AK8: variants seen among roughly 807,000 people sequenced by gnomAD.
AK8 encodes ATP-AMP transphosphorylase 8.
A neutral mutation model predicts 54.6 loss-of-function variants in AK8; 44 were observed. That is an observed-to-expected ratio of 0.81 (90% confidence interval 0.63 to 1.04). The LOEUF is 1.04. Ranked by LOEUF, AK8 falls within the 50% of genes least tolerant of loss-of-function variation. The pLI is 0.00. For synonymous variants in AK8, 239 were observed against 245.6 expected (o/e 0.97, Z 0.25); for missense variants, 555 against 613.6 (o/e 0.90, Z 1.01).
chr9:132,820,088 TG>T (rs1198699243), intron 9 of AK8, among the ~76,000 whole-genome samples: 1 of 136,678 alleles, frequency 7.3e-6, no homozygotes, highest in African/African-American at 2.8e-5. Context: ...AGTTGGAGGC[TG>T]CAGTGAGCCA....
upstream of AK8, chr9:132,878,680 G>A (rs1031810946): frequency 3.9e-5 from 39 of 994,538 alleles, no homozygotes; most frequent in Admixed American, 6.1e-5. This position sits in a 1 kb window ranked among gnomAD's most constrained non-coding sequence, Gnocchi z 4.7. Flanking sequence ...AATAAATGTG[G>A]GGGAGGGTGT....
At chr9:132,877,192 C>T (rs1423371709) in intron 1 of AK8, among the ~76,000 whole-genome samples, 2 of 152,132 alleles carry the variant, frequency 1.3e-5, no homozygotes, top group African/African-American at 4.8e-5. Flanking sequence ...TGACTTCTAA[C>T]CCAGCTAGCT....
chr9:132,779,254 C>A (rs1324046720), intron 11 of AK8, among the ~76,000 whole-genome samples: 2 of 152,178 alleles, frequency 1.3e-5, no homozygotes, highest in East Asian at 1.9e-4. Flanking sequence ...AATGTGTTTA[C>A]ACTTCTTAAC....
intron 11 of AK8, among the ~76,000 whole-genome samples, chr9:132,751,040 T>C (rs1837897705): frequency 6.6e-6 from 1 of 151,976 alleles, no homozygotes; most frequent in South Asian, 2.1e-4. Flanking sequence ...AATTTCTAGA[T>C]AAAGCTTTTC....
At chr9:132,848,109 C>G (rs1167998141) in intron 5 of AK8, among the ~76,000 whole-genome samples, 2 of 52,312 alleles carry the variant, frequency 3.8e-5, no homozygotes, top group Non-Finnish European at 9.5e-5. Flanking sequence ...GAGCAACACC[C>G]TGTTTCAAAA....
intron 5 of AK8, among the ~76,000 whole-genome samples, chr9:132,848,770 T>C (rs1371027428): frequency 6.6e-6 from 1 of 152,134 alleles, no homozygotes; most frequent in Non-Finnish European, 1.5e-5. Flanking sequence ...GTGAAAACCA[T>C]GCAGGGCCTG....
chr9:132,742,170 T>G (rs1008936727), intron 11 of AK8, among the ~76,000 whole-genome samples: 2 of 98,468 alleles, frequency 2.0e-5, no homozygotes, highest in Admixed American at 1.9e-4. Context: ...GGACTTGGAC[T>G]TTTTTTTTTT....
At chr9:132,775,087 C>T (rs188988563) in intron 11 of AK8, among the ~76,000 whole-genome samples, 25 of 152,146 alleles carry the variant, frequency 1.6e-4, no homozygotes, top group Admixed American at 1.5e-3. Context: ...CTCCAAAGGA[C>T]ATGTTTACCC....
chr9:132,735,708 G>A (rs1384760302), intron 11 of AK8, among the ~76,000 whole-genome samples: 1 of 152,156 alleles, frequency 6.6e-6, no homozygotes, highest in Admixed American at 6.5e-5. Flanking sequence ...GTACCACTTC[G>A]GAGGATATAA....
At chr9:132,829,129 TG>T (rs2131310230) in intron 5 of AK8, among the ~76,000 whole-genome samples, 1 of 152,210 alleles carries the variant, frequency 6.6e-6, no homozygotes, top group Non-Finnish European at 1.5e-5. Flanking sequence ...GCTAATTTTT[TG>T]TATTTTTAGT....
intron 2 of AK8, among the ~76,000 whole-genome samples, chr9:132,868,141 T>A (rs569469442): frequency 4.1e-4 from 63 of 152,308 alleles, no homozygotes; most frequent in African/African-American, 1.5e-3. Flanking sequence ...AACGTCTGCA[T>A]GAGAGCCTAT....
At chr9:132,814,853 G>A in intron 9 of AK8, 126 bp from the exon 10 acceptor site, 1 of 702,308 alleles carries the variant, frequency 1.4e-6, no homozygotes, top group Non-Finnish European at 2.3e-6. Flanking sequence ...GCATAAAAGG[G>A]TTTTTCTGTG....
chr9:132,863,361 T>C (rs1241217779), intron 4 of AK8, among the ~76,000 whole-genome samples: 1 of 152,206 alleles, frequency 6.6e-6, no homozygotes. Flanking sequence ...CGGCTGAGCC[T>C]AAGAAGAAAA....
At chr9:132,804,893 C>T (rs1243695230) in intron 10 of AK8, among the ~76,000 whole-genome samples, 3 of 152,228 alleles carry the variant, frequency 2.0e-5, no homozygotes, top group African/African-American at 4.8e-5. Flanking sequence ...TCATGTCCTG[C>T]CCCTGCCTCT....
rs558840457 is a variant in AK8 at position 132,842,661 on chromosome 9, T to C, written c.402+12196A>G. Reference sequence around the variant, plus strand: ...TGTAGACAATACAGTTATTATCACATGGTTTTCAAGGAGTCTGAGCACAGC... The same window carrying C: ...TGTAGACAATACAGTTATTATCACACGGTTTTCAAGGAGTCTGAGCACAGC... On this transcript the variant is annotated intron_variant, in intron 5 of 12. Coordinates refer to ENST00000298545, the MANE Select transcript of AK8 (RefSeq NM_152572.3). Among the ~76,000 whole-genome samples, 38 of 152,368 alleles carry C rather than the reference T, an allele frequency of 2.5e-4. No individual in the cohort carries two copies. The South Asian group carries it at 7.7e-3, about 31-fold the overall frequency.
In AK8 at chr9:132,823,247, G is replaced by T; in HGVS notation, c.847C>A (p.Leu283Met). 1 of 1,606,348 alleles carries T rather than the reference G, an allele frequency of 6.2e-7. No homozygotes were observed. The highest frequency in any genetic ancestry group is 1.7e-4 in the Middle Eastern group (1 of 5,992). ...TTCTGGGCCAGGAGGGCGGCCTGCA[G>T]ACTTTTCCCACTGCCCACAGGCCCG... ...LLGPVGSGKS[L>M]QAALLAQKYR... The change falls in exon 9 of 13, where the codon CTG becomes ATG. Residue 283 changes from leucine to methionine, a missense_variant. Physicochemically the swap from Leu to Met is conservative, Grantham distance 15 (BLOSUM62 2). Transcript: ENST00000298545.
intron 5 of AK8, among the ~76,000 whole-genome samples, chr9:132,853,783 C>CAAAAAAAAAAAAAAAA (rs71376669): frequency 2.3e-5 from 1 of 42,590 alleles, no homozygotes; most frequent in Non-Finnish European, 4.2e-5. Flanking sequence ...GACTCTGCCT[C>CAAAAAAAAAAAAAAAA]AAAAAAAAAA....
chr9:132,733,091 C>T (rs1197932710), intron 11 of AK8, among the ~76,000 whole-genome samples: 3 of 152,144 alleles, frequency 2.0e-5, no homozygotes, highest in South Asian at 2.1e-4. Flanking sequence ...CTCCAGGAAG[C>T]GAGCCCAACT....
chr9:132,862,609 G>GT (rs1402542181), intron 4 of AK8, among the ~76,000 whole-genome samples: 1 of 152,090 alleles, frequency 6.6e-6, no homozygotes, highest in African/African-American at 2.4e-5. Context: ...GATCATAGGC[G>GT]TGAGTCATTG....
Sources: gnomAD v4.1 joint callset for allele counts (sites outside exome capture counted in the v4.1 genomes callset) on GRCh38, gnomAD v4.1.1 for gene constraint, Gnocchi (gnomAD v3.1) non-coding constraint, MANE v1.5 for transcripts, NCBI Gene and HGNC (gene_info 2026-07-23, HGNC 2026-07-21) for gene names.